RASA1: variants seen among roughly 807,000 people sequenced by gnomAD.
RASA1 encodes the protein RAS p21 protein activator 1, also known as ras GTPase-activating protein 1.
Under a neutral mutation model 132.2 loss-of-function variants are expected in RASA1, and 25 were observed. The ratio of observed to expected loss-of-function variants is 0.19; its 90% CI spans 0.14 to 0.26. RASA1 has a LOEUF of 0.26. RASA1 is among the 10% of genes least tolerant of loss of function. The pLI is 1.00. For missense variants in RASA1, 964 were observed against 1,299.2 expected (o/e 0.74, Z 3.97); for synonymous variants, 477 against 449.9 (o/e 1.06, Z -0.76).
intron 8 of RASA1, 148 bp from the exon 9 acceptor site, chr5:87,353,009 G>T: frequency 3.2e-6 from 2 of 627,972 alleles, no homozygotes; most frequent in African/African-American, 1.9e-5. Flanking sequence ...TGAATGTTAT[G>T]ATCATTTATT....
intron 1 of RASA1, among the ~76,000 whole-genome samples, chr5:87,320,568 C>T (rs182251055): frequency 8.5e-5 from 13 of 152,154 alleles, no homozygotes; most frequent in South Asian, 4.2e-4. Flanking sequence ...AGTGGGGAAG[C>T]GCCACACACT....
intron 1 of RASA1, among the ~76,000 whole-genome samples, chr5:87,302,435 C>T (rs1755407075): frequency 6.6e-6 from 1 of 150,840 alleles, no homozygotes; most frequent in Non-Finnish European, 1.5e-5. Flanking sequence ...TCTGGTTATT[C>T]TCTGTCTTGG....
intron 12 of RASA1, 123 bp downstream of exon 12, chr5:87,370,023 CTTATT>C (rs1459261049): frequency 7.0e-6 from 6 of 852,038 alleles, no homozygotes; most frequent in East Asian, 2.7e-5. Flanking sequence ...CTAATCATCT[CTTATT>C]TTAAGGAATG....
rs963929789 is a variant in RASA1 at position 87,353,158 on chromosome 5, A to G, written c.1255A>G (p.Ile419Val). 1.2e-6 allele frequency: 2 copies of G among 1,607,038 alleles called. 1 individual carries two copies. The highest frequency in any genetic ancestry group is 1.7e-6 in the Non-Finnish European group (2 of 1,174,194). The change falls in exon 9 of 25, where the codon ATT becomes GTT. Residue 419 changes from isoleucine (I) to valine (V), a missense_variant and splice_region_variant. Ile to Val is a conservative substitution (Grantham distance 29, BLOSUM62 3). Transcript: ENST00000274376. Reference sequence around the variant, plus strand: ...TACTAGAAATTTTTATTTTAACAGCATTGGGGACATCATAGATCACTATCG... The same window carrying G: ...TACTAGAAATTTTTATTTTAACAGCGTTGGGGACATCATAGATCACTATCG... ...FMMGGRYYNS[I>V]GDIIDHYRKE... is the part of the protein sequence containing the mutation.
rs556540712 is a variant in RASA1, at chr5:87,322,498, C to A, written c.540-8850C>A. Among the ~76,000 whole-genome samples, 3 of 152,250 alleles carry A rather than the reference C, an allele frequency of 2.0e-5. No homozygotes were observed. In the South Asian group the frequency reaches 6.2e-4, roughly 32 times the overall value. The stretch of plus-strand genomic sequence containing the variant: ...CCACTAAATCAGTCAGTCCCTGGTG[C>A]CGGAGGTTGGGGACTACTGGTTTAA... On this transcript the variant is annotated intron_variant, in intron 1 of 24. Coordinates refer to ENST00000274376, the MANE Select transcript of RASA1 (RefSeq NM_002890.3).
chr5:87,371,757 A>G (rs1350645226), intron 12 of RASA1, among the ~76,000 whole-genome samples: 1 of 152,128 alleles, frequency 6.6e-6, no homozygotes, highest in Non-Finnish European at 1.5e-5. Flanking sequence ...AGCTTGCCTC[A>G]AGTATAACAG....
In RASA1 at chr5:87,362,608, C is replaced by T. The variant is rs1760197131; in HGVS notation, c.1390C>T (p.Arg464Cys). 1 of 1,596,156 alleles carries T rather than the reference C, an allele frequency of 6.3e-7. No homozygotes were observed. Among genetic ancestry groups the T allele is most frequent in the Non-Finnish European group, 8.6e-7 (1 of 1,164,006 alleles). The part of the protein sequence containing the change: ...VDGKEIYNTI[R>C]RKTKDAFYKN... ...TGGCAAGGAAATCTATAATACCATC[C>T]GTCGTAAAACAAAGGATGCCTTTTA... Residue 464 changes from arginine (R) to cysteine (C), a missense_variant, in exon 10 of 25, where the codon CGT (arginine) becomes TGT (cysteine). By Grantham distance (180) the Arg-to-Cys change is radical. Transcript: ENST00000274376.
chr5:87,308,662 C>G (rs934527584), intron 1 of RASA1, among the ~76,000 whole-genome samples: 4 of 152,040 alleles, frequency 2.6e-5, no homozygotes, highest in African/African-American at 9.7e-5. Flanking sequence ...ATACGTTTAC[C>G]TATGTGTAAC....
chr5:87,329,614 T>G (rs1318776783), intron 1 of RASA1, among the ~76,000 whole-genome samples: 9 of 152,148 alleles, frequency 5.9e-5, no homozygotes, highest in Non-Finnish European at 1.5e-5. Context: ...AAAACCTTTT[T>G]CATCTTGACA....
At chr5:87,349,649 TAGG>T (rs1759115655) in intron 8 of RASA1, among the ~76,000 whole-genome samples, 1 of 151,878 alleles carries the variant, frequency 6.6e-6, no homozygotes, top group African/African-American at 2.4e-5. Context: ...GTGTTATCTG[TAGG>T]AGGAGCAAAA....
chr5:87,338,536 A>ATATATATTT lies in RASA1; in HGVS notation c.1017+446_1017+447insATATATTTT. Among the ~76,000 whole-genome samples, 16 of 85,210 alleles carry ATATATATTT rather than the reference A, an allele frequency of 1.9e-4. 1 individual carries two copies. Among genetic ancestry groups the ATATATATTT allele is most frequent in the Admixed American group, 2.6e-4 (2 of 7,714 alleles). 55.9% of individuals were successfully genotyped at this position (85,210 alleles called of 152,430 possible). A position where few individuals can be genotyped will look rare whatever the true frequency, so the allele number is the denominator to read the frequency against. On this transcript the variant is annotated intron_variant, in intron 5 of 24. Transcript: ENST00000274376. ...ATATATATATATATATATATATAAA[A>ATATATATTT]TTTTTTTTTTTTTTAAGTAGAAATG...
intron 1 of RASA1, among the ~76,000 whole-genome samples, chr5:87,305,350 C>G (rs933518742): frequency 6.6e-6 from 1 of 152,072 alleles, no homozygotes; most frequent in Non-Finnish European, 1.5e-5. Flanking sequence ...GACCTCACAC[C>G]TACAACTATC....
chr5:87,308,368 C>T (rs1204718926), intron 1 of RASA1, among the ~76,000 whole-genome samples: 2 of 152,022 alleles, frequency 1.3e-5, no homozygotes, highest in Non-Finnish European at 2.9e-5. Context: ...TCCTTAAGTT[C>T]TGATTGCCTC....
intron 23 of RASA1, among the ~76,000 whole-genome samples, chr5:87,387,935 A>G (rs577562007): frequency 2.0e-5 from 3 of 152,168 alleles, no homozygotes; most frequent in Non-Finnish European, 4.4e-5. Flanking sequence ...ACAATCTAAG[A>G]TTTCATACTG....
rs781396921 is a variant in RASA1 at position 87,379,859 on chromosome 5, TGAAATTTTCATTTGACAA to T, written c.2603+16_2603+33del. Reference sequence around the variant, plus strand: ...TCAGAAATACTTCCACCGTAAGTGGTGAAATTTTCATTTGACAAGAAATTGTGTATCTATGTCTTCAGA... The same window carrying T: ...TCAGAAATACTTCCACCGTAAGTGGTGAAATTGTGTATCTATGTCTTCAGA... On this transcript the variant is annotated intron_variant, in intron 19 of 24. Transcript: ENST00000274376. 1 of 1,610,970 alleles carries T rather than the reference TGAAATTTTCATTTGACAA, an allele frequency of 6.2e-7. No homozygotes were observed. Among genetic ancestry groups the T allele is most frequent in the South Asian group, 1.1e-5 (1 of 90,952 alleles).
In RASA1 at chr5:87,358,080, C is replaced by T. The variant is rs149508440; in HGVS notation, c.1333-4471C>T. Among the ~76,000 whole-genome samples the T allele has an allele frequency of 2.8e-3, 421 of 152,176 alleles. 5 individuals carry two copies. Among genetic ancestry groups the T allele is most frequent in the East Asian group, 8.7e-3 (45 of 5,170 alleles). ...AAAGCAATACTATCTTTTTACTAAT[C>T]GCCAAATTGATTAGTTAGCAAATCA... On this transcript the variant is annotated intron_variant, in intron 9 of 24. Coordinates refer to ENST00000274376, the MANE Select transcript of RASA1 (RefSeq NM_002890.3).
At chr5:87,288,502 T>G (rs1754777749) in intron 1 of RASA1, among the ~76,000 whole-genome samples, 1 of 152,106 alleles carries the variant, frequency 6.6e-6, no homozygotes, top group African/African-American at 2.4e-5. Flanking sequence ...ACCTGCTTGG[T>G]AATACTGGCT....
At position 87,389,632 on chromosome 5, in the gene RASA1, A is replaced by G. The variant is rs992348361; in HGVS notation, c.3060+105A>G. The G allele has an allele frequency of 6.2e-6, 9 of 1,447,704 alleles. No individual in the cohort carries two copies. In the African/African-American group the frequency reaches 9.8e-5, roughly 16 times the overall value. 89.7% of individuals were successfully genotyped at this position (1,447,704 alleles called of 1,614,324 possible). The stretch of plus-strand genomic sequence containing the variant: ...TAACATTTTTATCTTGTTACATTAA[A>G]TTTTTGAGACTCTGCATCATATTAC... On this transcript the variant is annotated intron_variant, in intron 24 of 24. Coordinates refer to ENST00000274376, the MANE Select transcript of RASA1 (RefSeq NM_002890.3).
At chr5:87,289,811 A>G (rs1302608544) in intron 1 of RASA1, among the ~76,000 whole-genome samples, 2 of 151,938 alleles carry the variant, frequency 1.3e-5, no homozygotes, top group Non-Finnish European at 2.9e-5. Context: ...GTTCTCACCA[A>G]TTTCCCAGGC....
Sources: gnomAD v4.1 joint callset for allele counts (sites outside exome capture counted in the v4.1 genomes callset) on GRCh38, gnomAD v4.1.1 for gene constraint, MANE v1.5 for transcripts, NCBI Gene and HGNC (gene_info 2026-07-23, HGNC 2026-07-21) for gene names.